FARS2: variants seen among roughly 807,000 people sequenced by gnomAD.
The protein encoded by FARS2 is phenylalanine--tRNA ligase, mitochondrial.
In FARS2, 40 loss-of-function variants were observed where a neutral mutation model predicts 46.4. That is an observed-to-expected ratio of 0.86 (90% CI 0.67 to 1.12). FARS2 has a LOEUF of 1.12. Among genes scored for constraint, FARS2 ranks in the 50% most tolerant of loss-of-function variants. The pLI, the probability that FARS2 is intolerant of heterozygous loss-of-function variation, is 0.00. For missense variants in FARS2, 513 were observed against 567.9 expected (o/e 0.90, Z 0.98); for synonymous variants, 234 against 214.9 (o/e 1.09, Z -0.78).
rs375634804 is a variant in FARS2 at position 5,548,129 on chromosome 6, C to T, written c.1065+2789C>T. Among the ~76,000 whole-genome samples, 760 of 152,292 alleles carry T rather than the reference C, an allele frequency of 5.0e-3. 6 individuals carry two copies. Among genetic ancestry groups the T allele is most frequent in the African/African-American group, 0.018 (730 of 41,568 alleles). The stretch of plus-strand genomic sequence containing the variant: ...GATAAACCCATCAGATCTTGTGAGA[C>T]TTAATCACTATCACGAGAATAGCAC... On this transcript the variant is annotated intron_variant, in intron 5 of 6. Coordinates refer to ENST00000274680, the MANE Select transcript of FARS2 (RefSeq NM_006567.5).
intron 1 of FARS2, among the ~76,000 whole-genome samples, chr6:5,312,292 A>T (rs1769131175): frequency 6.6e-6 from 1 of 152,162 alleles, no homozygotes; most frequent in Admixed American, 6.5e-5. Context: ...GCTTACTATT[A>T]ATCTATAAGT....
chr6:5,403,279 G>A (rs1332106863), intron 2 of FARS2, among the ~76,000 whole-genome samples: 1 of 152,064 alleles, frequency 6.6e-6, no homozygotes, highest in Non-Finnish European at 1.5e-5. Context: ...TTCAGAAAAT[G>A]TGATACCTGA....
At chr6:5,743,256 G>A (rs2150954660) in intron 6 of FARS2, among the ~76,000 whole-genome samples, 1 of 152,262 alleles carries the variant, frequency 6.6e-6, no homozygotes, top group South Asian at 2.1e-4. Flanking sequence ...CCAGCCTTAA[G>A]TTGGTGACTC....
At chr6:5,609,739 A>C (rs1775065837) in intron 5 of FARS2, 6 of 1,517,918 alleles carry the variant, frequency 4.0e-6, no homozygotes, top group South Asian at 1.1e-5. Flanking sequence ...CAAAAGTTAC[A>C]AAGGCAAAGC....
intron 4 of FARS2, among the ~76,000 whole-genome samples, chr6:5,518,659 C>T (rs1322485836): frequency 1.3e-5 from 2 of 152,138 alleles, no homozygotes; most frequent in African/African-American, 2.4e-5. Context: ...CATCAAGGGT[C>T]ACTAATTTTT....
At chr6:5,619,286 T>C (rs1462085740) in intron 6 of FARS2, among the ~76,000 whole-genome samples, 1 of 152,178 alleles carries the variant, frequency 6.6e-6, no homozygotes, top group East Asian at 1.9e-4. Flanking sequence ...CTACCATCCC[T>C]TTCCTTTGAT....
intron 1 of FARS2, among the ~76,000 whole-genome samples, chr6:5,350,886 C>T (rs1489037276): frequency 6.6e-6 from 1 of 152,208 alleles, no homozygotes; most frequent in Non-Finnish European, 1.5e-5. Flanking sequence ...CCCTTCAAAG[C>T]TAATTCCTCT....
intron 6 of FARS2, among the ~76,000 whole-genome samples, chr6:5,638,520 G>A (rs900620816): frequency 4.6e-5 from 7 of 152,192 alleles, no homozygotes; most frequent in East Asian, 1.9e-4. Context: ...AGCCAAGATC[G>A]TGCCACTGCA....
chr6:5,743,827 C>T (rs1761485399), intron 6 of FARS2, among the ~76,000 whole-genome samples: 1 of 152,218 alleles, frequency 6.6e-6, no homozygotes, highest in Admixed American at 6.5e-5. Context: ...CAAAGGTATT[C>T]TATCAACAGG....
chr6:5,456,155 A>C (rs1039571863), intron 4 of FARS2, among the ~76,000 whole-genome samples: 1 of 151,980 alleles, frequency 6.6e-6, no homozygotes, highest in African/African-American at 2.4e-5. Flanking sequence ...TCGAGGCTGC[A>C]GTGAGCTGTG....
intron 6 of FARS2, among the ~76,000 whole-genome samples, chr6:5,623,888 C>T (rs1340962260): frequency 3.3e-5 from 5 of 152,120 alleles, no homozygotes; most frequent in African/African-American, 9.7e-5. Flanking sequence ...TTCCTCTGGA[C>T]AGAGCCAAAT....
At chr6:5,300,343 C>A (rs1236829504) in intron 1 of FARS2, among the ~76,000 whole-genome samples, 1 of 152,206 alleles carries the variant, frequency 6.6e-6, no homozygotes, top group Non-Finnish European at 1.5e-5. Context: ...TAGTCATACA[C>A]AGCTGCTGAT....
intron 4 of FARS2, among the ~76,000 whole-genome samples, chr6:5,449,562 C>A (rs558266719): frequency 1.3e-5 from 2 of 152,004 alleles, no homozygotes; most frequent in South Asian, 2.1e-4. Context: ...TGGTTCAGGT[C>A]TTTATTTGAC....
intron 6 of FARS2, among the ~76,000 whole-genome samples, chr6:5,684,462 TG>T (rs1757022884): frequency 6.6e-6 from 1 of 152,236 alleles, no homozygotes; most frequent in East Asian, 1.9e-4. Flanking sequence ...TGAGGATTTC[TG>T]CCAACTAAGG....
intron 4 of FARS2, among the ~76,000 whole-genome samples, chr6:5,448,743 G>A (rs192794499): frequency 1.3e-5 from 2 of 152,330 alleles, no homozygotes; most frequent in African/African-American, 4.8e-5. Flanking sequence ...CACAGTATAT[G>A]CATTTATAAT....
intron 4 of FARS2, among the ~76,000 whole-genome samples, chr6:5,513,943 C>T (rs537498306): frequency 6.6e-6 from 1 of 151,916 alleles, no homozygotes; most frequent in East Asian, 1.9e-4. Context: ...AATTTAACAA[C>T]TATTGATCCA....
intron 6 of FARS2, among the ~76,000 whole-genome samples, chr6:5,745,786 C>G (rs1317564119): frequency 6.6e-6 from 1 of 152,210 alleles, no homozygotes; most frequent in African/African-American, 2.4e-5. Flanking sequence ...GTCATCCTCC[C>G]ACCTCGGCCT....
At chr6:5,703,199 A>G (rs1198772263) in intron 6 of FARS2, among the ~76,000 whole-genome samples, 1 of 152,220 alleles carries the variant, frequency 6.6e-6, no homozygotes, top group African/African-American at 2.4e-5. Flanking sequence ...TGGTAGCCAC[A>G]GGGATGGGAG....
At chr6:5,541,898 A>G (rs1041806287) in intron 4 of FARS2, among the ~76,000 whole-genome samples, 3 of 152,188 alleles carry the variant, frequency 2.0e-5, no homozygotes, top group Non-Finnish European at 4.4e-5. Flanking sequence ...GGGGCAGGCA[A>G]TTCCCAGAAG....
Sources: allele counts gnomAD v4.1 joint callset (sites outside exome capture counted in the v4.1 genomes callset), GRCh38; gene constraint gnomAD v4.1.1; transcripts MANE v1.5; gene names NCBI Gene and HGNC (gene_info 2026-07-23, HGNC 2026-07-21).